ANKFN1: variants seen among roughly 807,000 people sequenced by gnomAD.
ANKFN1 encodes the protein ankyrin repeat and fibronectin type III domain containing 1.
ANKFN1 carries 74 observed loss-of-function variants against 108.7 expected under a neutral mutation model. The ratio of observed to expected loss-of-function variants is 0.68; its 90% CI spans 0.56 to 0.83. The LOEUF (loss-of-function observed/expected upper bound fraction) is 0.83, where lower values mean the gene tolerates loss of function less well. Among genes scored for constraint, ANKFN1 ranks in the 40% least tolerant of loss-of-function variants. The pLI is 0.00. For synonymous variants in ANKFN1, 547 were observed against 516.2 expected (o/e 1.06, Z -0.81); for missense variants, 1,505 against 1,382.3 (o/e 1.09, Z -1.41).
intron 4 of ANKFN1, among the ~76,000 whole-genome samples, chr17:56,114,084 A>G (rs1906128628): frequency 6.6e-6 from 1 of 152,232 alleles, no homozygotes; most frequent in Non-Finnish European, 1.5e-5. Context: ...GAACCAAAAC[A>G]GGGATCTGTG....
At chr17:56,401,153 A>G (rs931580715) in intron 8 of ANKFN1, among the ~76,000 whole-genome samples, 3 of 152,096 alleles carry the variant, frequency 2.0e-5, no homozygotes, top group African/African-American at 7.2e-5. Context: ...TGTGGATTGC[A>G]CTGAATTTGT....
intron 4 of ANKFN1, among the ~76,000 whole-genome samples, chr17:56,085,180 CATATATAT>C (rs10572105): frequency 0.029 from 4,046 of 137,674 alleles, 342 homozygotes; most frequent in African/African-American, 0.11. Flanking sequence ...CCCTCCAAAG[CATATATAT>C]ATATATATAT....
Position 56,514,947 on chromosome 17 carries a change from C to T in ANKFN1, c.*3678C>T, listed in dbSNP as rs2051874898. 6.6e-6 allele frequency among the ~76,000 whole-genome samples: 1 copy of T among 152,118 alleles called. No homozygotes were observed. The highest frequency in any genetic ancestry group is 1.5e-5 in the Non-Finnish European group (1 of 68,014). ...AATGTGCGCCCTGGTGAGTTTGGAG[C>T]TCTTCCCTTGAAGATAACTCTGTTA... On this transcript the variant is annotated 3_prime_UTR_variant, in exon 21 of 21. Transcript: ENST00000682825.
chr17:56,267,159 T>G (rs1598327704), intron 3 of ANKFN1, among the ~76,000 whole-genome samples: 1 of 152,224 alleles, frequency 6.6e-6, no homozygotes, highest in East Asian at 1.9e-4. Flanking sequence ...TTTGGTTTTC[T>G]GTTCCTGTGT....
At position 56,153,533 on chromosome 17, in the gene ANKFN1, AG is replaced by A. The variant is rs1908804359; in HGVS notation, c.-71+5del. 1 of 1,614,082 alleles carries A rather than the reference AG, an allele frequency of 6.2e-7. No individual in the cohort carries two copies. On this transcript the variant is annotated splice_donor_region_variant and intron_variant, in intron 1 of 20. Coordinates refer to ENST00000682825, the MANE Select transcript of ANKFN1 (RefSeq NM_001370326.1). ...TCATGGAGGCGTCTCTAACCAGGGT[AG>A]GAAAACAATAGTTCTAAATATCGGT...
chr17:56,353,391 C>T (rs1020137176), intron 5 of ANKFN1, among the ~76,000 whole-genome samples: 3 of 152,032 alleles, frequency 2.0e-5, no homozygotes, highest in Admixed American at 1.3e-4. Context: ...CACCCAACAC[C>T]ACACTCGGCT....
chr17:56,405,973 A>G (rs972326893), intron 8 of ANKFN1, among the ~76,000 whole-genome samples: 1 of 152,184 alleles, frequency 6.6e-6, no homozygotes, highest in Non-Finnish European at 1.5e-5. Flanking sequence ...TTATCTCTTT[A>G]TAATTGTTTA....
chr17:56,152,897 C>A (rs1908747384), upstream of ANKFN1, among the ~76,000 whole-genome samples: 1 of 152,228 alleles, frequency 6.6e-6, no homozygotes, highest in African/African-American at 2.4e-5. Context: ...ACTTGCTTGA[C>A]TATCAAGATT....
intron 20 of ANKFN1, among the ~76,000 whole-genome samples, chr17:56,502,804 A>T (rs2051417662): frequency 6.6e-6 from 1 of 152,348 alleles, no homozygotes; most frequent in East Asian, 1.9e-4. Context: ...TATAGAGCCT[A>T]TCACAAACCT....
intron 3 of ANKFN1, among the ~76,000 whole-genome samples, chr17:56,307,826 C>T (rs2044878405): frequency 6.6e-6 from 1 of 152,138 alleles, no homozygotes; most frequent in African/African-American, 2.4e-5. Context: ...TTGGAACCAA[C>T]CCAAATGTCC....
At chr17:56,068,266 G>C (rs1366622100) in intron 4 of ANKFN1, among the ~76,000 whole-genome samples, 3 of 152,112 alleles carry the variant, frequency 2.0e-5, no homozygotes. Flanking sequence ...CCAATGAGTG[G>C]TTAAAGGGAG....
intron 18 of ANKFN1, among the ~76,000 whole-genome samples, chr17:56,486,582 A>G (rs1375088140): frequency 1.3e-5 from 2 of 152,186 alleles, no homozygotes; most frequent in Non-Finnish European, 2.9e-5. Context: ...GGAACTTCCA[A>G]GGGCCTGCTA....
At chr17:56,487,313 G>T (rs1481027777) in intron 18 of ANKFN1, among the ~76,000 whole-genome samples, 1 of 152,076 alleles carries the variant, frequency 6.6e-6, no homozygotes, top group African/African-American at 2.4e-5. Context: ...TATTTACAAA[G>T]TTCCCAGGAA....
intron 4 of ANKFN1, among the ~76,000 whole-genome samples, chr17:56,338,095 C>T (rs1275402476): frequency 6.6e-6 from 1 of 152,184 alleles, no homozygotes; most frequent in African/African-American, 2.4e-5. Context: ...AAATGTGGCA[C>T]ATATACACAT....
chr17:56,363,345 T>A (rs2046575741), intron 6 of ANKFN1, among the ~76,000 whole-genome samples: 1 of 151,812 alleles, frequency 6.6e-6, no homozygotes, highest in Non-Finnish European at 1.5e-5. Flanking sequence ...TTCAGGAAAA[T>A]GCAAATTAAG....
intron 3 of ANKFN1, among the ~76,000 whole-genome samples, chr17:56,288,928 C>T (rs1382346658): frequency 1.3e-5 from 2 of 152,326 alleles, no homozygotes; most frequent in Non-Finnish European, 2.9e-5. Context: ...TTATCATCCA[C>T]GGGTTAGCAA....
rs1008313796 is a variant in ANKFN1, at chr17:56,242,399, C to T, written c.53+14442C>T. 1.2e-4 allele frequency among the ~76,000 whole-genome samples: 18 copies of T among 152,088 alleles called. 1 individual carries two copies. Among genetic ancestry groups the T allele is most frequent in the Admixed American group, 2.6e-4 (4 of 15,266 alleles). On this transcript the variant is annotated intron_variant, in intron 3 of 20. Transcript: ENST00000682825. The stretch of plus-strand genomic sequence containing the variant: ...CTTTAAAAATGTTTTATAGTATTCT[C>T]TACAAAACTCTGAAACATCTTTTGA...
chr17:56,379,244 A>G (rs2047026400), intron 8 of ANKFN1, among the ~76,000 whole-genome samples: 1 of 152,102 alleles, frequency 6.6e-6, no homozygotes, highest in African/African-American at 2.4e-5. Flanking sequence ...TAAAAAATAC[A>G]AAAGATTGGC....
At chr17:56,291,014 G>A (rs116160497) in intron 3 of ANKFN1, among the ~76,000 whole-genome samples, 2,234 of 152,168 alleles carry the variant, frequency 0.015, 47 homozygotes, top group African/African-American at 0.05. Flanking sequence ...GCAAAGAAAG[G>A]CAATATCTCA....
Sources: gnomAD v4.1 joint callset for allele counts (sites outside exome capture counted in the v4.1 genomes callset) on GRCh38, gnomAD v4.1.1 for gene constraint, MANE v1.5 for transcripts, NCBI Gene and HGNC (gene_info 2026-07-23, HGNC 2026-07-21) for gene names.